Variants in SLCO1B1 observed in about 807,000 individuals in gnomAD.
SLCO1B1 encodes the protein solute carrier organic anion transporter family member 1B1.
Under a neutral mutation model 70.1 loss-of-function variants are expected in SLCO1B1, and 81 were observed. That is an observed-to-expected ratio of 1.16 (90% confidence interval 0.97 to 1.39). The LOEUF (loss-of-function observed/expected upper bound fraction) is 1.39. Among genes scored for constraint, SLCO1B1 ranks in the 40% most tolerant of loss-of-function variants. SLCO1B1 has a pLI of 0.00. For missense variants in SLCO1B1, 895 were observed against 799.6 expected, an observed-to-expected ratio of 1.12 and a Z score of -1.44; for synonymous variants, 283 against 271.5, an observed-to-expected ratio of 1.04 and a Z score of -0.42.
Position 21,239,114 on chromosome 12 carries a change from A to G in SLCO1B1, c.2001A>G (p.Glu667=). 6.2e-7 allele frequency: 1 copy of G among 1,612,816 alleles called. No individual in the cohort carries two copies. Among genetic ancestry groups the G allele is most frequent in the Non-Finnish European group, 8.5e-7 (1 of 1,179,126 alleles). The change falls in exon 15 of 15, where the codon GAA becomes GAG. Residue 667 remains glutamate, a synonymous_variant. Transcript: ENST00000256958. ...NASENGSVMD[E]ANLESLNKNK... ...CAGAAAATGGAAGTGTCATGGATGA[A>G]GCAAACTTAGAATCCTTAAATAAAA...
chr12:21,235,940 A>C (rs906884116), intron 14 of SLCO1B1, among the ~76,000 whole-genome samples: 1 of 152,072 alleles, frequency 6.6e-6, no homozygotes, highest in African/African-American at 2.4e-5. Flanking sequence ...TATTTCCTTC[A>C]TAAATAATTT....
chr12:21,204,366 C>T (rs1941189823), intron 10 of SLCO1B1, among the ~76,000 whole-genome samples: 1 of 151,796 alleles, frequency 6.6e-6, no homozygotes, highest in African/African-American at 2.4e-5. Flanking sequence ...AATATGTGTG[C>T]TTATGTACTT....
At chr12:21,157,590 A>T (rs1400577214) in intron 2 of SLCO1B1, among the ~76,000 whole-genome samples, 1 of 149,910 alleles carries the variant, frequency 6.7e-6, no homozygotes, top group East Asian at 1.9e-4. Flanking sequence ...AGATTAATTA[A>T]GACTGTAAAA....
chr12:21,226,310 A>G (rs1941481887), intron 14 of SLCO1B1, among the ~76,000 whole-genome samples: 1 of 152,036 alleles, frequency 6.6e-6, no homozygotes, highest in Admixed American at 6.5e-5. Context: ...GCTACTTGGG[A>G]GGCTAAAGCA....
intron 2 of SLCO1B1, among the ~76,000 whole-genome samples, chr12:21,158,410 C>T (rs1326652837): frequency 6.6e-6 from 1 of 152,030 alleles, no homozygotes; most frequent in Non-Finnish European, 1.5e-5. Flanking sequence ...AAATTTCTCA[C>T]ATTAGGCTAG....
intron 6 of SLCO1B1, 94 bp downstream of exon 6, chr12:21,178,816 A>G: frequency 1.5e-6 from 2 of 1,374,992 alleles, no homozygotes; most frequent in Non-Finnish European, 2.1e-6. Context: ...TACCTATTAG[A>G]ACATATATTT....
At chr12:21,183,940 T>C (rs1165887046) in intron 7 of SLCO1B1, among the ~76,000 whole-genome samples, 2 of 152,028 alleles carry the variant, frequency 1.3e-5, no homozygotes, top group African/African-American at 4.8e-5. Context: ...CTACATGGAT[T>C]TGATAATACA....
intron 2 of SLCO1B1, among the ~76,000 whole-genome samples, chr12:21,144,633 A>G (rs567644035): frequency 1.3e-5 from 2 of 152,244 alleles, no homozygotes; most frequent in African/African-American, 4.8e-5. Flanking sequence ...AAGGTAAACA[A>G]GAAAGAAAAA....
intron 11 of SLCO1B1, among the ~76,000 whole-genome samples, chr12:21,206,365 A>G (rs2121156640): frequency 6.6e-6 from 1 of 151,996 alleles, no homozygotes; most frequent in East Asian, 1.9e-4. Flanking sequence ...TATAATTTTC[A>G]TTAAGTTGGA....
intron 12 of SLCO1B1, among the ~76,000 whole-genome samples, chr12:21,221,629 C>G (rs979933775): frequency 6.6e-6 from 1 of 151,998 alleles, no homozygotes; most frequent in Non-Finnish European, 1.5e-5. Context: ...AAAAGACAAA[C>G]AGTCAACAAA....
intron 2 of SLCO1B1, among the ~76,000 whole-genome samples, chr12:21,157,600 A>ATTTT (rs533368425): frequency 2.2e-5 from 3 of 136,820 alleles, no homozygotes; most frequent in African/African-American, 5.5e-5. Flanking sequence ...AGACTGTAAA[A>ATTTT]TTTTTTTTTT....
chr12:21,214,997 G>C (rs1332018487), intron 11 of SLCO1B1, among the ~76,000 whole-genome samples: 1 of 152,130 alleles, frequency 6.6e-6, no homozygotes, highest in Non-Finnish European at 1.5e-5. Context: ...CGGTACCTCA[G>C]ATGGAAATGC....
At chr12:21,237,719 A>ATTT (rs35374921) in intron 14 of SLCO1B1, among the ~76,000 whole-genome samples, 19 of 147,542 alleles carry the variant, frequency 1.3e-4, no homozygotes, top group South Asian at 2.2e-4. Context: ...ATTCTTAGTA[A>ATTT]TTTTTTTTTT....
At chr12:21,228,905 C>A (rs1210093595) in intron 14 of SLCO1B1, among the ~76,000 whole-genome samples, 1 of 151,890 alleles carries the variant, frequency 6.6e-6, no homozygotes, top group African/African-American at 2.4e-5. Flanking sequence ...AATGACCAAC[C>A]CTCTTTGGGA....
At chr12:21,159,113 G>A (rs1017150413) in intron 2 of SLCO1B1, among the ~76,000 whole-genome samples, 4 of 152,082 alleles carry the variant, frequency 2.6e-5, no homozygotes, top group South Asian at 2.1e-4. Context: ...GTCCCTCTGT[G>A]ATAGTAAACA....
chr12:21,160,125 A>AAAT (rs1491443100), intron 2 of SLCO1B1, among the ~76,000 whole-genome samples: 1 of 150,230 alleles, frequency 6.7e-6, no homozygotes, highest in East Asian at 2.0e-4. Flanking sequence ...AAAAAAAAAA[A>AAAT]ACTATTTTGA....
intron 2 of SLCO1B1, among the ~76,000 whole-genome samples, chr12:21,143,085 G>T (rs759895788): frequency 1.3e-5 from 2 of 151,914 alleles, no homozygotes; most frequent in African/African-American, 4.8e-5. Context: ...TTGATATGTT[G>T]TTGATAAAGA....
At chr12:21,231,054 T>C (rs1164152992) in intron 14 of SLCO1B1, among the ~76,000 whole-genome samples, 6 of 145,882 alleles carry the variant, frequency 4.1e-5, no homozygotes, top group Admixed American at 3.6e-4. Flanking sequence ...TTCCCACCTA[T>C]GAGTGAAAAC....
chr12:21,235,121 G>C (rs1273668783), intron 14 of SLCO1B1, among the ~76,000 whole-genome samples: 5 of 137,406 alleles, frequency 3.6e-5, no homozygotes, highest in Non-Finnish European at 7.9e-5. Flanking sequence ...TTGATGATGT[G>C]CCTGCCTAGT....
Sources: allele counts gnomAD v4.1 joint callset (sites outside exome capture counted in the v4.1 genomes callset), GRCh38; gene constraint gnomAD v4.1.1; transcripts MANE v1.5; gene names NCBI Gene and HGNC (gene_info 2026-07-23, HGNC 2026-07-21).